Variants in ANKRD13C observed in about 807,000 individuals in gnomAD.
ANKRD13C encodes the protein ankyrin repeat domain-containing protein 13C.
A neutral mutation model predicts 65.5 loss-of-function variants in ANKRD13C; 16 were observed. The ratio of observed to expected loss-of-function variants is 0.24; its 90% CI spans 0.17 to 0.37. The LOEUF is 0.37. ANKRD13C is among the 10% of genes least tolerant of loss of function. The pLI, the probability that ANKRD13C is intolerant of heterozygous loss-of-function variation, is 1.00. For synonymous variants in ANKRD13C, 235 were observed against 238.7 expected, an observed-to-expected ratio of 0.98 and a Z score of 0.14; for missense variants, 503 against 655.9, an observed-to-expected ratio of 0.77 and a Z score of 2.55.
chr1:70,262,907 A>G (rs1309188318), intron 12 of ANKRD13C, 60 bp from the exon 13 acceptor site: 7 of 1,398,900 alleles, frequency 5.0e-6, no homozygotes, highest in Admixed American at 1.8e-5. Flanking sequence ...CATAGACTAC[A>G]AAGTACTATT....
Position 70,261,847 on chromosome 1 carries a change from A to C in ANKRD13C, c.*870T>G, listed in dbSNP as rs1246279846. On this transcript the variant is annotated 3_prime_UTR_variant, in exon 13 of 13. Transcript: ENST00000370944. ...TGTGTACTTATTAGGAAGCAAGTTT[A>C]AAAATTTGGATTTTTTTTTAAAGTG... 6.6e-6 allele frequency: 1 copy of C among 152,458 alleles called. No homozygotes were observed. The highest frequency in any genetic ancestry group is 1.5e-5 in the Non-Finnish European group (1 of 67,956). The allele number at this position is 152,458 out of a possible 1,614,324, so 9.4% of individuals were successfully genotyped here. A position where few individuals can be genotyped will look rare whatever the true frequency, so the allele number is the denominator to read the frequency against.
intron 2 of ANKRD13C, among the ~76,000 whole-genome samples, chr1:70,333,355 A>T (rs1314139708): frequency 6.6e-6 from 1 of 152,066 alleles, no homozygotes; most frequent in Non-Finnish European, 1.5e-5. Context: ...TTATTGATCA[A>T]ATTCAGCTGG....
At chr1:70,352,959 G>A (rs925231949) in intron 1 of ANKRD13C, among the ~76,000 whole-genome samples, 4 of 152,016 alleles carry the variant, frequency 2.6e-5, no homozygotes, top group African/African-American at 4.8e-5. Context: ...AAAAGCCTAC[G>A]ATCCAATGGA....
chr1:70,351,393 A>T (rs879704856), intron 1 of ANKRD13C, among the ~76,000 whole-genome samples: 1 of 152,010 alleles, frequency 6.6e-6, no homozygotes, highest in Non-Finnish European at 1.5e-5. Flanking sequence ...TCATTTATTT[A>T]TTTATTTTAT....
chr1:70,326,976 A>G (rs567715143), intron 2 of ANKRD13C, among the ~76,000 whole-genome samples: 14 of 149,052 alleles, frequency 9.4e-5, no homozygotes, highest in Admixed American at 2.0e-4. Flanking sequence ...ATGTAGAAGA[A>G]ATGATAAAAT....
At chr1:70,299,726 T>A (rs1167117963) in intron 7 of ANKRD13C, among the ~76,000 whole-genome samples, 1 of 152,088 alleles carries the variant, frequency 6.6e-6, no homozygotes, top group Non-Finnish European at 1.5e-5. Flanking sequence ...AAGAGCAGGT[T>A]TGGAGGAAAA....
chr1:70,338,619 C>G (rs1271228055), intron 1 of ANKRD13C, among the ~76,000 whole-genome samples: 1 of 152,040 alleles, frequency 6.6e-6, no homozygotes, highest in Admixed American at 6.6e-5. Flanking sequence ...AGTCAGATCT[C>G]AAACTCCTGA....
rs189596706 is a variant in ANKRD13C at position 70,270,706 on chromosome 1, C to T, written c.1495+150G>A. On this transcript the variant is annotated intron_variant, in intron 12 of 12. Transcript: ENST00000370944. ...ATGCTCACTAGCCTGCCGCTCAGCT[C>T]ATCTCCTGCTGTGCACCCCACTCCT... 1,190 of 588,108 alleles carry T rather than the reference C, an allele frequency of 2.0e-3. 13 individuals carry two copies. The highest frequency in any genetic ancestry group is 1.4e-3 in the Non-Finnish European group (444 of 325,984). The allele number at this position is 588,108 out of a possible 1,614,324, so 36.4% of individuals were successfully genotyped here.
intron 6 of ANKRD13C, among the ~76,000 whole-genome samples, chr1:70,305,018 G>A (rs549644179): frequency 1.3e-5 from 2 of 152,078 alleles, no homozygotes; most frequent in East Asian, 1.9e-4. Flanking sequence ...AGCACTTTGC[G>A]AGGCCAAGGT....
intron 1 of ANKRD13C, among the ~76,000 whole-genome samples, chr1:70,338,373 C>T (rs1027805015): frequency 7.2e-5 from 11 of 152,100 alleles, no homozygotes; most frequent in African/African-American, 2.7e-4. Flanking sequence ...ATGTTCAGTT[C>T]AAATAAAATG....
At chr1:70,310,405 C>T (rs754073108) in intron 5 of ANKRD13C, among the ~76,000 whole-genome samples, 2 of 152,190 alleles carry the variant, frequency 1.3e-5, no homozygotes, top group African/African-American at 4.8e-5. Flanking sequence ...TTATACATGA[C>T]ATCTAATCAT....
chr1:70,330,529 G>A (rs1205995250), intron 2 of ANKRD13C, among the ~76,000 whole-genome samples: 5 of 147,856 alleles, frequency 3.4e-5, no homozygotes, highest in Non-Finnish European at 1.5e-5. Flanking sequence ...CTGCACTCCA[G>A]GCTGGGTGAC....
At chr1:70,273,591 A>G (rs1022319347) in intron 11 of ANKRD13C, among the ~76,000 whole-genome samples, 1 of 152,344 alleles carries the variant, frequency 6.6e-6, no homozygotes, top group Admixed American at 6.5e-5. Flanking sequence ...ACAGTATATC[A>G]ACACTACAAA....
At chr1:70,337,964 T>A (rs946335364) in intron 1 of ANKRD13C, among the ~76,000 whole-genome samples, 1 of 152,016 alleles carries the variant, frequency 6.6e-6, no homozygotes, top group Non-Finnish European at 1.5e-5. Context: ...CCAGGGGTGG[T>A]GGCGCATGCC....
chr1:70,333,350 G>T (rs1240880965), intron 2 of ANKRD13C, among the ~76,000 whole-genome samples: 1 of 150,646 alleles, frequency 6.6e-6, no homozygotes, highest in Non-Finnish European at 1.5e-5. Context: ...AGTTTTTATT[G>T]ATCAAATTCA....
intron 3 of ANKRD13C, among the ~76,000 whole-genome samples, chr1:70,320,295 C>T (rs985699651): frequency 2.6e-5 from 4 of 151,748 alleles, no homozygotes; most frequent in South Asian, 2.1e-4. Flanking sequence ...GACCAGAAGA[C>T]GAAACTAAAA....
At position 70,289,240 on chromosome 1, in the gene ANKRD13C, A is replaced by C. The variant is rs186460062; in HGVS notation, c.1215+3148T>G. Among the ~76,000 whole-genome samples, 27 of 152,316 alleles carry C rather than the reference A, an allele frequency of 1.8e-4. No individual in the cohort carries two copies. In the East Asian group the frequency reaches 4.4e-3, roughly 25 times the overall value. On this transcript the variant is annotated intron_variant, in intron 9 of 12. Transcript: ENST00000370944. Reference sequence around the variant, plus strand: ...GCTATCTGGCATTAAACTATGTTTTAATTTCAACTTGCAAAGTACGGCTGC... The same window carrying C: ...GCTATCTGGCATTAAACTATGTTTTCATTTCAACTTGCAAAGTACGGCTGC...
chr1:70,297,286 G>GGTTTTTTTTTTT lies in ANKRD13C; in HGVS notation c.922-1026_922-1025insAAAAAAAAAAAC, dbSNP rs1558281019. On this transcript the variant is annotated intron_variant, in intron 7 of 12. Transcript: ENST00000370944. Reference sequence around the variant, plus strand: ...TTTAACCTACATAGAGTCCCTTTCTGATTTTTTTTTTTTTTTTTTTTTTTT... The same window carrying GGTTTTTTTTTTT: ...TTTAACCTACATAGAGTCCCTTTCTGGTTTTTTTTTTTATTTTTTTTTTTTTTTTTTTTTTTT... Among the ~76,000 whole-genome samples the GGTTTTTTTTTTT allele has an allele frequency of 5.4e-4, 67 of 125,084 alleles. 4 individuals carry two copies. Among genetic ancestry groups the GGTTTTTTTTTTT allele is most frequent in the Admixed American group, 1.3e-3 (15 of 11,508 alleles). 82.1% of individuals were successfully genotyped at this position (125,084 alleles called of 152,430 possible). A position where few individuals can be genotyped will look rare whatever the true frequency, so the allele number is the denominator to read the frequency against.
At chr1:70,340,469 G>A (rs527566579) in intron 1 of ANKRD13C, among the ~76,000 whole-genome samples, 1 of 152,098 alleles carries the variant, frequency 6.6e-6, no homozygotes, top group South Asian at 2.1e-4. Flanking sequence ...ACCAATTTTT[G>A]TAAATGCTGT....
Sources: gnomAD v4.1 joint callset for allele counts (sites outside exome capture counted in the v4.1 genomes callset) on GRCh38, gnomAD v4.1.1 for gene constraint, MANE v1.5 for transcripts, NCBI Gene and HGNC (gene_info 2026-07-23, HGNC 2026-07-21) for gene names.